HS6ST3: variants seen among roughly 807,000 people sequenced by gnomAD.
The protein encoded by HS6ST3 is heparan-sulfate 6-O-sulfotransferase 3.
HS6ST3 carries 12 observed loss-of-function variants against 36.7 expected under a neutral mutation model. The observed-to-expected ratio is 0.33, with a 90% CI of 0.21 to 0.53. The LOEUF (loss-of-function observed/expected upper bound fraction) is 0.53. Ranked by LOEUF, HS6ST3 falls within the 20% of genes least tolerant of loss-of-function variation. The pLI is 0.95. For synonymous variants in HS6ST3, 240 were observed against 257.5 expected (o/e 0.93, Z 0.65); for missense variants, 584 against 640.9 (o/e 0.91, Z 0.96).
chr13:96,652,182 A>G (rs2056609825), intron 1 of HS6ST3, among the ~76,000 whole-genome samples: 1 of 152,102 alleles, frequency 6.6e-6, no homozygotes, highest in African/African-American at 2.4e-5. Flanking sequence ...ACACATATAT[A>G]TAATACTGTA....
intron 1 of HS6ST3, among the ~76,000 whole-genome samples, chr13:96,656,417 G>A (rs376800270): frequency 6.6e-6 from 1 of 152,100 alleles, no homozygotes; most frequent in African/African-American, 2.4e-5. Flanking sequence ...CAAAAGTTCA[G>A]ATCTAGAAGT....
intron 1 of HS6ST3, among the ~76,000 whole-genome samples, chr13:96,318,749 G>A (rs946852465): frequency 6.6e-6 from 1 of 151,958 alleles, no homozygotes; most frequent in Non-Finnish European, 1.5e-5. Context: ...ATTGATCTGT[G>A]TGTCTGTGTT....
chr13:96,346,349 C>A (rs187000197), intron 1 of HS6ST3, among the ~76,000 whole-genome samples: 2 of 151,974 alleles, frequency 1.3e-5, no homozygotes, highest in East Asian at 3.9e-4. Flanking sequence ...CCAAGGTGGG[C>A]GGATCATGAG....
intron 1 of HS6ST3, among the ~76,000 whole-genome samples, chr13:96,391,320 A>G (rs2055394165): frequency 6.6e-6 from 1 of 152,124 alleles, no homozygotes; most frequent in Non-Finnish European, 1.5e-5. Context: ...GATCCTCATT[A>G]TTCAGATTCC....
intron 1 of HS6ST3, among the ~76,000 whole-genome samples, chr13:96,566,232 C>T (rs1339902679): frequency 2.0e-5 from 3 of 151,728 alleles, no homozygotes; most frequent in Non-Finnish European, 4.4e-5. Flanking sequence ...AGCTAACATT[C>T]GGTTGATAGA....
chr13:96,131,427 A>C (rs2053975104), intron 1 of HS6ST3, among the ~76,000 whole-genome samples: 1 of 151,036 alleles, frequency 6.6e-6, no homozygotes, highest in Non-Finnish European at 1.5e-5. Context: ...AAAAAAACTT[A>C]AAAAAATTGA....
intron 1 of HS6ST3, among the ~76,000 whole-genome samples, chr13:96,160,365 G>A (rs1029182476): frequency 1.2e-4 from 18 of 152,154 alleles, no homozygotes; most frequent in Admixed American, 6.5e-5. Flanking sequence ...AATTAGTTAT[G>A]TTCTAGAAGC....
intron 1 of HS6ST3, among the ~76,000 whole-genome samples, chr13:96,244,132 T>A (rs1225987244): frequency 6.6e-6 from 1 of 152,152 alleles, no homozygotes; most frequent in African/African-American, 2.4e-5. Flanking sequence ...GAAAATTACA[T>A]CACCGTTACA....
At chr13:96,654,080 T>A (rs2056616415) in intron 1 of HS6ST3, among the ~76,000 whole-genome samples, 1 of 152,232 alleles carries the variant, frequency 6.6e-6, no homozygotes, top group Non-Finnish European at 1.5e-5. Flanking sequence ...GTAAATTTGT[T>A]TAAGTTCCTT....
At chr13:96,755,754 G>A (rs983406385) in intron 1 of HS6ST3, among the ~76,000 whole-genome samples, 13 of 152,016 alleles carry the variant, frequency 8.6e-5, no homozygotes, top group African/African-American at 3.1e-4. Context: ...ATAGACTTTT[G>A]GGTTTTTACC....
intron 1 of HS6ST3, among the ~76,000 whole-genome samples, chr13:96,317,017 G>T (rs2054973395): frequency 6.6e-6 from 1 of 151,752 alleles, no homozygotes; most frequent in Admixed American, 6.6e-5. Context: ...TTTTATTTTA[G>T]ATACAGAGGG....
intron 1 of HS6ST3, among the ~76,000 whole-genome samples, chr13:96,609,610 G>C (rs2056450429): frequency 6.6e-6 from 1 of 152,142 alleles, no homozygotes; most frequent in African/African-American, 2.4e-5. Flanking sequence ...GCTATGACTA[G>C]AACTCAGTTG....
chr13:96,164,830 A>G (rs549514072), intron 1 of HS6ST3, among the ~76,000 whole-genome samples: 1 of 152,252 alleles, frequency 6.6e-6, no homozygotes, highest in Non-Finnish European at 1.5e-5. Flanking sequence ...GGGCCTTGCA[A>G]TGTAGATTAA....
At chr13:96,422,527 A>G (rs1325928219) in intron 1 of HS6ST3, among the ~76,000 whole-genome samples, 1 of 152,250 alleles carries the variant, frequency 6.6e-6, no homozygotes, top group African/African-American at 2.4e-5. Flanking sequence ...TCTGGAAGAA[A>G]TATTGCAGAA....
chr13:96,417,356 T>C (rs1044950822), intron 1 of HS6ST3, among the ~76,000 whole-genome samples: 6 of 152,160 alleles, frequency 3.9e-5, no homozygotes, highest in African/African-American at 1.4e-4. Flanking sequence ...CTCTTCTTCA[T>C]AGCCAGCCAA....
intron 1 of HS6ST3, among the ~76,000 whole-genome samples, chr13:96,546,280 C>G (rs529331069): frequency 6.8e-4 from 103 of 151,898 alleles, no homozygotes; most frequent in African/African-American, 2.4e-3. Context: ...TCTTTAGGGC[C>G]CTTCAGAAAA....
chr13:96,736,169 A>G (rs1268300068), intron 1 of HS6ST3, among the ~76,000 whole-genome samples: 1 of 152,162 alleles, frequency 6.6e-6, no homozygotes, highest in Non-Finnish European at 1.5e-5. Flanking sequence ...AACCCCCATG[A>G]CACGTGTTTA....
rs188567604 is a variant in HS6ST3, at chr13:96,536,863, C to T, written c.708-295627C>T. On this transcript the variant is annotated intron_variant, in intron 1 of 1. Transcript: ENST00000376705. Reference sequence around the variant, plus strand: ...GTGGTTTCAGTAGTATGCCAACAGCCCACTTTTTTGGGGGGGATTGGAAAT... The same window carrying T: ...GTGGTTTCAGTAGTATGCCAACAGCTCACTTTTTTGGGGGGGATTGGAAAT... Among the ~76,000 whole-genome samples, 206 of 152,294 alleles carry T rather than the reference C, an allele frequency of 1.4e-3. 1 individual carries two copies. Among genetic ancestry groups the T allele is most frequent in the Admixed American group, 2.2e-3 (34 of 15,302 alleles).
chr13:96,635,105 A>G (rs1475155948), intron 1 of HS6ST3, among the ~76,000 whole-genome samples: 1 of 152,184 alleles, frequency 6.6e-6, no homozygotes, highest in Non-Finnish European at 1.5e-5. Context: ...CATCAAGATT[A>G]TTAAAATTGC....
Sources: gnomAD v4.1 joint callset for allele counts (sites outside exome capture counted in the v4.1 genomes callset) on GRCh38, gnomAD v4.1.1 for gene constraint, MANE v1.5 for transcripts, NCBI Gene and HGNC (gene_info 2026-07-23, HGNC 2026-07-21) for gene names.